The following STRN3 variants were observed in gnomAD, a reference collection of about 807,000 sequenced individuals.
STRN3 encodes striatin 3.
STRN3 carries 29 observed loss-of-function variants against 95.6 expected under a neutral mutation model. The ratio of observed to expected loss-of-function variants is 0.30; its 90% confidence interval spans 0.23 to 0.41. The LOEUF (loss-of-function observed/expected upper bound fraction) is 0.41, where lower values mean the gene tolerates loss of function less well. Ranked by LOEUF, STRN3 falls within the 10% of genes least tolerant of loss-of-function variation. STRN3 has a pLI of 1.00. For synonymous variants in STRN3, 331 were observed against 357.6 expected (o/e 0.93, Z 0.84); for missense variants, 890 against 972.1 (o/e 0.92, Z 1.12).
In STRN3 at chr14:30,976,297, C is replaced by T. The variant is rs555405562; in HGVS notation, c.283-20055G>A. On this transcript the variant is annotated intron_variant, in intron 1 of 17. Transcript: ENST00000357479. The stretch of plus-strand genomic sequence containing the variant: ...AGTTCAGATAAAGCAGACTTCAGAA[C>T]CAGGATAATTATCCAGGATAAAGAG... Among the ~76,000 whole-genome samples, 22 of 152,178 alleles carry T rather than the reference C, an allele frequency of 1.4e-4. No individual in the cohort carries two copies. In the South Asian group the frequency reaches 3.5e-3, roughly 24 times the overall value.
chr14:30,973,390 G>C (rs1347894262), intron 1 of STRN3, among the ~76,000 whole-genome samples: 1 of 151,834 alleles, frequency 6.6e-6, no homozygotes, highest in African/African-American at 2.4e-5. Flanking sequence ...GAGACAGAGA[G>C]AGAGAAAGAG....
intron 13 of STRN3, among the ~76,000 whole-genome samples, chr14:30,908,517 C>A (rs1025455238): frequency 6.6e-6 from 1 of 152,198 alleles, no homozygotes; most frequent in Non-Finnish European, 1.5e-5. Flanking sequence ...GCTGCAGCGT[C>A]CAAACTCTGT....
chr14:30,959,842 G>T (rs1247671232), intron 1 of STRN3, among the ~76,000 whole-genome samples: 1 of 151,868 alleles, frequency 6.6e-6, no homozygotes, highest in African/African-American at 2.4e-5. Flanking sequence ...CCAAAGATGG[G>T]CAAGAGCTTT....
chr14:30,969,240 C>A (rs191250168), intron 1 of STRN3, among the ~76,000 whole-genome samples: 16 of 152,286 alleles, frequency 1.1e-4, no homozygotes, highest in African/African-American at 3.6e-4. Flanking sequence ...TCGAGACCAT[C>A]CTGGCTAACA....
chr14:30,991,413 T>G (rs138291989), intron 1 of STRN3, among the ~76,000 whole-genome samples: 124 of 152,264 alleles, frequency 8.1e-4, no homozygotes, highest in African/African-American at 2.8e-3. Context: ...CAGCCTACTG[T>G]TAAAGATAAA....
At position 30,894,890 on chromosome 14, in the gene STRN3, TTTC is replaced by T. The variant is rs1425673320; in HGVS notation, c.*518_*520del. 10 of 920,466 alleles carry T rather than the reference TTTC, an allele frequency of 1.1e-5. No individual in the cohort carries two copies. Among genetic ancestry groups the T allele is most frequent in the East Asian group, 7.3e-5 (1 of 13,616 alleles). The allele number at this position is 920,466 out of a possible 1,614,324, so 57.0% of individuals were successfully genotyped here. On this transcript the variant is annotated 3_prime_UTR_variant, in exon 18 of 18. Coordinates refer to ENST00000357479, the MANE Select transcript of STRN3 (RefSeq NM_001083893.2). ...AAAATATTTTAAGTTAAATTTTCTTTTTCTTTTTTTTTTTTTTTAAAGCAAAAT... is the reference window on the plus strand; with the variant it reads ...AAAATATTTTAAGTTAAATTTTCTTTTTTTTTTTTTTTTTTAAAGCAAAAT...
chr14:30,935,419 T>G, intron 6 of STRN3, 115 bp from the exon 7 acceptor site: 1 of 1,155,900 alleles, frequency 8.7e-7, no homozygotes, highest in Non-Finnish European at 1.2e-6. Flanking sequence ...GGATCAAAAA[T>G]TTTAGATCTC....
At chr14:30,910,063 G>A (rs1397546495) in intron 13 of STRN3, among the ~76,000 whole-genome samples, 2 of 152,040 alleles carry the variant, frequency 1.3e-5, no homozygotes, top group East Asian at 3.9e-4. Flanking sequence ...CACTCTTCTC[G>A]CCCCCAATTT....
chr14:31,016,919 C>G (rs1287514281), intron 1 of STRN3, among the ~76,000 whole-genome samples: 2 of 152,138 alleles, frequency 1.3e-5, no homozygotes, highest in Non-Finnish European at 2.9e-5. Context: ...CTTTGGGAGG[C>G]CAAGGATGGC....
intron 2 of STRN3, 87 bp from the exon 3 acceptor site, chr14:30,955,780 A>C: frequency 9.5e-7 from 1 of 1,048,016 alleles, no homozygotes; most frequent in Non-Finnish European, 1.4e-6. Flanking sequence ...AAAACATAAT[A>C]TGAATGTCTG....
At chr14:31,007,828 G>A (rs377289577) in intron 1 of STRN3, among the ~76,000 whole-genome samples, 1 of 152,090 alleles carries the variant, frequency 6.6e-6, no homozygotes, top group East Asian at 1.9e-4. Flanking sequence ...GGAGTTCAAA[G>A]TTACAGTAAG....
At position 31,026,379 on chromosome 14, in the gene STRN3, T is replaced by G; in HGVS notation, c.-194A>C. 1.0e-5 allele frequency: 2 copies of G among 195,060 alleles called. No homozygotes were observed. The highest frequency in any genetic ancestry group is 9.5e-6 in the Non-Finnish European group (1 of 105,432). 12.1% of individuals were successfully genotyped at this position (195,060 alleles called of 1,614,324 possible). On this transcript the variant is annotated 5_prime_UTR_variant, in exon 1 of 18. Transcript: ENST00000357479. ...CCGCCATTACAATCCCTCCTCCATC[T>G]GCCCGTCTCACTCACTCACTTTAGG...
At chr14:30,914,375 C>T (rs909759128) in intron 9 of STRN3, among the ~76,000 whole-genome samples, 1 of 152,036 alleles carries the variant, frequency 6.6e-6, no homozygotes, top group Non-Finnish European at 1.5e-5. Flanking sequence ...TATTTAGAGA[C>T]ACAGTCTTGC....
At chr14:30,950,000 A>G (rs1879560992) in intron 4 of STRN3, among the ~76,000 whole-genome samples, 1 of 152,198 alleles carries the variant, frequency 6.6e-6, no homozygotes, top group Non-Finnish European at 1.5e-5. Context: ...TTTCAGGTAC[A>G]TTTAGTAAAA....
chr14:30,906,827 C>T, intron 14 of STRN3, 50 bp downstream of exon 14: 1 of 1,547,612 alleles, frequency 6.5e-7, no homozygotes, highest in Non-Finnish European at 8.8e-7. Flanking sequence ...TTTATATATT[C>T]CAATTTTTTA....
intron 1 of STRN3, among the ~76,000 whole-genome samples, chr14:31,007,919 G>T (rs538825676): frequency 6.6e-6 from 1 of 152,106 alleles, no homozygotes; most frequent in African/African-American, 2.4e-5. Flanking sequence ...TGGGCCTGGC[G>T]TGGTGGCTCA....
chr14:30,942,132 AT>A (rs938555179), intron 5 of STRN3, among the ~76,000 whole-genome samples: 3 of 151,882 alleles, frequency 2.0e-5, no homozygotes, highest in Admixed American at 6.6e-5. Flanking sequence ...CCATTCCTCC[AT>A]TTTCTTTCTG....
At chr14:30,983,745 G>C (rs140952206) in intron 1 of STRN3, among the ~76,000 whole-genome samples, 284 of 152,172 alleles carry the variant, frequency 1.9e-3, no homozygotes, top group Non-Finnish European at 3.5e-3. Context: ...AAATTTAGAA[G>C]TCAGGTATTT....
chr14:30,966,173 C>T (rs896833417), intron 1 of STRN3, among the ~76,000 whole-genome samples: 36 of 152,154 alleles, frequency 2.4e-4, no homozygotes, highest in African/African-American at 8.4e-4. Flanking sequence ...TTAGCCTGTG[C>T]GTCTAACCCT....
Sources: gnomAD v4.1 joint callset for allele counts (sites outside exome capture counted in the v4.1 genomes callset) on GRCh38, gnomAD v4.1.1 for gene constraint, MANE v1.5 for transcripts, NCBI Gene and HGNC (gene_info 2026-07-23, HGNC 2026-07-21) for gene names.